Variants in DRC8 observed in about 807,000 individuals in gnomAD.
DRC8 encodes the protein dynein regulatory complex protein 8.
the DRC8 span, among the ~76,000 whole-genome samples, chr1:245,088,953 T>G: frequency 6.6e-6 from 1 of 152,088 alleles, no homozygotes; most frequent in Non-Finnish European, 1.5e-5. This position sits in a 1 kb window ranked among gnomAD's most constrained non-coding sequence, Gnocchi z 4.6. Flanking sequence ...ATTAAGGATA[T>G]CGGGTTAGGT....
At chr1:245,083,726 G>T in the DRC8 span, 4 of 1,575,926 alleles carry the variant, frequency 2.5e-6, no homozygotes, top group African/African-American at 5.5e-5. Flanking sequence ...TGACTTATGT[G>T]AGGAATTAAT....
At chr1:245,083,544 C>G in the DRC8 span, 4 of 1,579,442 alleles carry the variant, frequency 2.5e-6, no homozygotes, top group Non-Finnish European at 3.4e-6. Context: ...TTTACATACA[C>G]ACATATATGA....
the DRC8 span, among the ~76,000 whole-genome samples, chr1:245,050,100 G>C: frequency 6.6e-6 from 1 of 152,202 alleles, no homozygotes; most frequent in Non-Finnish European, 1.5e-5. Flanking sequence ...GGTATAAGGG[G>C]AGAGGGATGT....
chr1:245,016,822 A>G, the DRC8 span, among the ~76,000 whole-genome samples: 2 of 152,190 alleles, frequency 1.3e-5, no homozygotes, highest in Admixed American at 6.5e-5. Flanking sequence ...CAAGGTAGGC[A>G]GGGAACACTG....
the DRC8 span, among the ~76,000 whole-genome samples, chr1:245,080,335 C>T: frequency 6.6e-6 from 1 of 152,188 alleles, no homozygotes; most frequent in Non-Finnish European, 1.5e-5. Flanking sequence ...GGGCAGGGAT[C>T]TGTTTTGTTC....
the DRC8 span, among the ~76,000 whole-genome samples, chr1:245,088,086 A>G: frequency 6.6e-6 from 1 of 152,174 alleles, no homozygotes; most frequent in Admixed American, 6.5e-5. The surrounding 1 kb of genome is among the most constrained non-coding windows in gnomAD (Gnocchi z 4.6). Context: ...ATACTGAGTA[A>G]GAATACTGAG....
At chr1:244,991,711 T>G in the DRC8 span, among the ~76,000 whole-genome samples, 1 of 152,198 alleles carries the variant, frequency 6.6e-6, no homozygotes, top group African/African-American at 2.4e-5. Context: ...TTTAAACTTT[T>G]ATAGGAGTGG....
At chr1:244,992,904 G>A in the DRC8 span, among the ~76,000 whole-genome samples, 2 of 152,190 alleles carry the variant, frequency 1.3e-5, no homozygotes, top group African/African-American at 2.4e-5. Context: ...CTGGGTGATT[G>A]TGCCTAAGGG....
At chr1:245,036,502 G>A in the DRC8 span, among the ~76,000 whole-genome samples, 2 of 152,066 alleles carry the variant, frequency 1.3e-5, no homozygotes, top group African/African-American at 4.8e-5. Flanking sequence ...GTATACTGAC[G>A]AGAAATGAAA....
the DRC8 span, among the ~76,000 whole-genome samples, chr1:245,115,950 G>C: frequency 6.6e-6 from 1 of 150,822 alleles, no homozygotes; most frequent in Non-Finnish European, 1.5e-5. Flanking sequence ...GCAGTGGCGT[G>C]ATCTCAGGTC....
At chr1:245,008,850 A>G in the DRC8 span, among the ~76,000 whole-genome samples, 2 of 151,362 alleles carry the variant, frequency 1.3e-5, no homozygotes, top group East Asian at 3.9e-4. Context: ...TTTTTAAAAA[A>G]TTTTGTGTGT....
the DRC8 span, among the ~76,000 whole-genome samples, chr1:245,053,179 G>A: frequency 6.6e-6 from 1 of 152,114 alleles, no homozygotes; most frequent in South Asian, 2.1e-4. Context: ...TGTACAGCAA[G>A]TCTTTGAATA....
the DRC8 span, chr1:245,087,422 T>G: frequency 6.6e-7 from 1 of 1,520,078 alleles, no homozygotes; most frequent in African/African-American, 1.4e-5. Context: ...TCTTGTTAAT[T>G]TCACATCTTA....
the DRC8 span, among the ~76,000 whole-genome samples, chr1:244,999,017 T>C: frequency 1.9e-5 from 2 of 104,470 alleles, no homozygotes; most frequent in Non-Finnish European, 3.7e-5. Context: ...TTATACATAA[T>C]AGGATTCCCT....
At chr1:245,076,049 T>G in the DRC8 span, among the ~76,000 whole-genome samples, 23 of 152,230 alleles carry the variant, frequency 1.5e-4, no homozygotes, top group African/African-American at 5.1e-4. Flanking sequence ...TTCCGTGCGC[T>G]ATCTTATTTA....
the DRC8 span, among the ~76,000 whole-genome samples, chr1:245,044,841 T>TC: frequency 1.3e-5 from 2 of 151,454 alleles, no homozygotes; most frequent in African/African-American, 4.9e-5. Context: ...CGGTACCCCC[T>TC]CCCCCGACCC....
chr1:245,051,491 T>G, the DRC8 span, among the ~76,000 whole-genome samples: 1 of 151,522 alleles, frequency 6.6e-6, no homozygotes, highest in African/African-American at 2.4e-5. Flanking sequence ...GAAAGGGAAG[T>G]GGAGATGAGG....
At chr1:244,979,292 CTTTTTTTTTT>C in the DRC8 span, among the ~76,000 whole-genome samples, 27 of 51,380 alleles carry the variant, frequency 5.3e-4, no homozygotes, top group African/African-American at 2.4e-3. Context: ...CGAAGCTTAT[CTTTTTTTTTT>C]TTTTTTTTTT....
At chr1:245,037,943 A>G in the DRC8 span, among the ~76,000 whole-genome samples, 1 of 152,176 alleles carries the variant, frequency 6.6e-6, no homozygotes, top group Non-Finnish European at 1.5e-5. Context: ...AACCATATAA[A>G]TGCTACATAA....
Sources: allele counts gnomAD v4.1 joint callset (sites outside exome capture counted in the v4.1 genomes callset), GRCh38; gene constraint gnomAD v4.1.1; non-coding constraint Gnocchi (gnomAD v3.1); transcripts MANE v1.5; gene names NCBI Gene and HGNC (gene_info 2026-07-23, HGNC 2026-07-21).